POGZ: variants seen among roughly 807,000 people sequenced by gnomAD.
The protein encoded by POGZ is pogo transposable element derived with ZNF domain.
Under a neutral mutation model 134.6 loss-of-function variants are expected in POGZ, and 17 were observed. The observed-to-expected ratio is 0.13, with a 90% CI of 0.09 to 0.19. The LOEUF (loss-of-function observed/expected upper bound fraction) is 0.19, where lower values mean the gene tolerates loss of function less well. Ranked by LOEUF, POGZ falls within the 10% of genes least tolerant of loss-of-function variation. The probability of loss-of-function intolerance (pLI) is 1.00; values close to 1 mark genes in which losing one functional copy is unlikely to be tolerated. For synonymous variants in POGZ, 693 were observed against 657.1 expected (o/e 1.05, Z -0.84); for missense variants, 1,306 against 1,769.7 (o/e 0.74, Z 4.70).
At chr1:151,434,451 A>C (rs1659255543) in intron 3 of POGZ, among the ~76,000 whole-genome samples, 1 of 152,188 alleles carries the variant, frequency 6.6e-6, no homozygotes, top group Non-Finnish European at 1.5e-5. Context: ...ACTGCACTCC[A>C]GCCTGGGTGA....
chr1:151,441,794 T>G (rs1457035376), intron 2 of POGZ, among the ~76,000 whole-genome samples: 1 of 152,196 alleles, frequency 6.6e-6, no homozygotes, highest in Non-Finnish European at 1.5e-5. Flanking sequence ...CACTTTGAAT[T>G]CTTGTTCATA....
rs1658078512 is a variant in POGZ, at chr1:151,428,113, G to GA, written c.859+9dup. ...ACCTGGCTCTGCCATCTCCTCTTCC[G>GA]AAGCCTTACCTAGCTTGGGATTCGT... On this transcript the variant is annotated intron_variant, in intron 6 of 18. Coordinates refer to ENST00000271715, the MANE Select transcript of POGZ (RefSeq NM_015100.4). 1 of 1,613,612 alleles carries GA rather than the reference G, an allele frequency of 6.2e-7. No individual in the cohort carries two copies. The highest frequency in any genetic ancestry group is 8.5e-7 in the Non-Finnish European group (1 of 1,179,668).
intron 1 of POGZ, 113 bp from the exon 2 acceptor site, chr1:151,442,318 T>C: frequency 1.3e-6 from 1 of 768,456 alleles, no homozygotes; most frequent in East Asian, 2.7e-5. Flanking sequence ...CTTGGACTCC[T>C]TTATCATATC....
intron 1 of POGZ, among the ~76,000 whole-genome samples, chr1:151,444,218 A>C (rs992894565): frequency 6.6e-6 from 1 of 152,214 alleles, no homozygotes; most frequent in Non-Finnish European, 1.5e-5. Flanking sequence ...TGAGGAAAGA[A>C]AAAGATCTAA....
Position 151,404,403 on chromosome 1 carries a change from A to G in POGZ, c.*399T>C, listed in dbSNP as rs1653203356. On this transcript the variant is annotated 3_prime_UTR_variant, in exon 19 of 19. Transcript: ENST00000271715. ...ACATTGGCCACACAATAAAACAAAC[A>G]AAAAAACCCAGTACTATGATACAAT... 2.0e-5 allele frequency: 20 copies of G among 991,986 alleles called. No individual in the cohort carries two copies. The highest frequency in any genetic ancestry group is 2.3e-5 in the Non-Finnish European group (19 of 833,146). 61.4% of individuals were successfully genotyped at this position (991,986 alleles called of 1,614,324 possible).
intron 1 of POGZ, among the ~76,000 whole-genome samples, chr1:151,448,158 T>C (rs1396004909): frequency 1.3e-5 from 2 of 152,148 alleles, no homozygotes; most frequent in African/African-American, 2.4e-5. Flanking sequence ...CACAAATATA[T>C]TTCTTAGAAA....
chr1:151,403,104 T>A lies in POGZ; in HGVS notation c.*1698A>T. On this transcript the variant is annotated 3_prime_UTR_variant, in exon 19 of 19. Transcript: ENST00000271715. ...GCTGGGGAAGAGAAGCCCAGATGGA[T>A]CCTTGGTTGTTTTCAGATGTCAAAG... The A allele has an allele frequency of 2.0e-6, 1 of 489,504 alleles. No homozygotes were observed. The highest frequency in any genetic ancestry group is 2.7e-6 in the Non-Finnish European group (1 of 376,486). 30.3% of individuals were successfully genotyped at this position (489,504 alleles called of 1,614,324 possible). A position where few individuals can be genotyped will look rare whatever the true frequency, so the allele number is the denominator to read the frequency against.
chr1:151,449,535 C>T (rs566017599), intron 1 of POGZ, among the ~76,000 whole-genome samples: 11 of 152,126 alleles, frequency 7.2e-5, no homozygotes, highest in South Asian at 2.1e-4. Flanking sequence ...GTTCTGAAAA[C>T]GAGGGCAATT....
intron 10 of POGZ, among the ~76,000 whole-genome samples, chr1:151,420,312 TTACC>T (rs1263655204): frequency 6.6e-6 from 1 of 152,158 alleles, no homozygotes; most frequent in African/African-American, 2.4e-5. Context: ...CACTGCAGTG[TTACC>T]ATTGATTCTT....
intron 10 of POGZ, among the ~76,000 whole-genome samples, chr1:151,420,672 T>C (rs1571412452): frequency 6.6e-6 from 1 of 152,160 alleles, no homozygotes; most frequent in East Asian, 1.9e-4. Flanking sequence ...CTGTCTAATA[T>C]GGTGGCACCA....
chr1:151,430,693 G>A lies in POGZ; in HGVS notation c.432C>T (p.Ala144=). 6.2e-7 allele frequency: 1 copy of A among 1,609,008 alleles called. No individual in the cohort carries two copies. Among genetic ancestry groups the A allele is most frequent in the Non-Finnish European group, 8.5e-7 (1 of 1,177,752 alleles). ...NANHVTSSPV[A]SQPIFITTQG... ...GCGTAGTGATAAATATTGGTTGTGAGGCCACAGGGGAACTAGTCACATGAT... is the reference window on the plus strand; with the variant it reads ...GCGTAGTGATAAATATTGGTTGTGAAGCCACAGGGGAACTAGTCACATGAT... Residue 144 remains alanine, a synonymous_variant, in exon 4 of 19, where the codon GCC becomes GCT. Transcript: ENST00000271715.
rs534414635 is a variant in POGZ, at chr1:151,427,830, T to C, written c.1071A>G (p.Ser357=). The part of the protein sequence containing the change: ...GSQRTSGPES[S]MKVTSSIPVF... Reference sequence around the variant, plus strand: ...TCTTTCAGGTTATTGTACCTTTCATTGAAGACTCAGGTCCGCTGGTTCTTT... The same window carrying C: ...TCTTTCAGGTTATTGTACCTTTCATCGAAGACTCAGGTCCGCTGGTTCTTT... Residue 357 remains serine, a synonymous_variant, in exon 7 of 19, where the codon TCA becomes TCG. Coordinates refer to ENST00000271715, the MANE Select transcript of POGZ (RefSeq NM_015100.4). 1.2e-6 allele frequency: 2 copies of C among 1,608,168 alleles called. No homozygotes were observed. The highest frequency in any genetic ancestry group is 1.3e-5 in the African/African-American group (1 of 74,940).
Position 151,404,700 on chromosome 1 carries a change from G to C in POGZ, c.*102C>G, listed in dbSNP as rs1350947266. The C allele has an allele frequency of 5.6e-6, 8 of 1,440,982 alleles. No individual in the cohort carries two copies. The highest frequency in any genetic ancestry group is 4.9e-4 in the Middle Eastern group (2 of 4,068). 89.3% of individuals were successfully genotyped at this position (1,440,982 alleles called of 1,614,324 possible). ...AGTGGTGGTATAAAATTAAAAAATA[G>C]AAACCAAATACCCCACCTGGTATGC... On this transcript the variant is annotated 3_prime_UTR_variant, in exon 19 of 19. Transcript: ENST00000271715.
intron 10 of POGZ, among the ~76,000 whole-genome samples, chr1:151,421,823 G>A (rs1180923149): frequency 6.6e-6 from 1 of 152,204 alleles, no homozygotes; most frequent in Non-Finnish European, 1.5e-5. Flanking sequence ...TGCGATCTCA[G>A]CTCACTGCAA....
intron 10 of POGZ, among the ~76,000 whole-genome samples, chr1:151,420,709 A>C (rs919330760): frequency 3.9e-5 from 6 of 152,302 alleles, no homozygotes; most frequent in Admixed American, 3.9e-4. Flanking sequence ...GAACACTTAA[A>C]ATGTGGTAAG....
chr1:151,446,254 G>GAAAAA (rs142998370), intron 1 of POGZ, among the ~76,000 whole-genome samples: 612 of 39,138 alleles, frequency 0.016, 6 homozygotes, highest in African/African-American at 0.037. Context: ...TTCTCATAAG[G>GAAAAA]AAAAAAAAAA....
Position 151,424,196 on chromosome 1 carries a change from G to C in POGZ, c.1276C>G (p.Pro426Ala), listed in dbSNP as rs1315412140. The change falls in exon 9 of 19, where the codon CCT becomes GCT. Residue 426 changes from proline (P) to alanine (A), a missense_variant. This residue lies in a region of POGZ where 541 missense variants were observed against 680.5 expected (regional missense o/e 0.80). Coordinates refer to ENST00000271715, the MANE Select transcript of POGZ (RefSeq NM_015100.4). ...GAAGCAACAGGAGCTGTTTTCTCAG[G>C]GGATGGGGGCTTTGCTGCTGATGGG... ...SVPSAAKPPSPEKTAPVASTP... is the reference protein window; with the variant it reads ...SVPSAAKPPSAEKTAPVASTP... 1.9e-6 allele frequency: 3 copies of C among 1,614,026 alleles called. No individual in the cohort carries two copies. In the East Asian group the frequency reaches 6.7e-5, roughly 36 times the overall value.
At chr1:151,439,100 AAAAG>A (rs1178439581) in intron 3 of POGZ, 4 of 152,220 alleles carry the variant, frequency 2.6e-5, no homozygotes, top group Admixed American at 1.3e-4. Flanking sequence ...GCTTAAAAAA[AAAAG>A]AAATACACAG....
At chr1:151,438,786 C>T (rs1660045911) in intron 3 of POGZ, among the ~76,000 whole-genome samples, 1 of 151,776 alleles carries the variant, frequency 6.6e-6, no homozygotes, top group Non-Finnish European at 1.5e-5. Context: ...GCTGAGATGG[C>T]AGGATTGCTG....
Sources: allele counts gnomAD v4.1 joint callset (sites outside exome capture counted in the v4.1 genomes callset), GRCh38; gene constraint gnomAD v4.1.1; regional missense constraint gnomAD v4.1.1; transcripts MANE v1.5; gene names NCBI Gene and HGNC (gene_info 2026-07-23, HGNC 2026-07-21).